The following TSPEAR variants were observed in gnomAD, a reference collection of about 807,000 sequenced individuals.
TSPEAR encodes the protein thrombospondin-type laminin G domain and EAR repeat-containing protein.
Under a neutral mutation model 71.6 loss-of-function variants are expected in TSPEAR, and 69 were observed. The observed-to-expected ratio is 0.96, with a 90% CI of 0.79 to 1.18. The LOEUF (loss-of-function observed/expected upper bound fraction) is 1.18. Among genes scored for constraint, TSPEAR ranks in the 50% most tolerant of loss-of-function variants. TSPEAR has a pLI of 0.00. For missense variants in TSPEAR, 971 were observed against 894.9 expected, an observed-to-expected ratio of 1.09 and a Z score of -1.09; for synonymous variants, 402 against 387.2, an observed-to-expected ratio of 1.04 and a Z score of -0.45.
chr21:44,539,467 G>C, intron 2 of TSPEAR: 1 of 1,613,478 alleles, frequency 6.2e-7, no homozygotes, highest in Non-Finnish European at 8.5e-7. Context: ...CGGAGGAGGA[G>C]GGTCTGCAGC....
At position 44,711,215 on chromosome 21, in the gene TSPEAR, G is replaced by A. The variant is rs538543652; in HGVS notation, c.82+218C>T. Among the ~76,000 whole-genome samples the A allele has an allele frequency of 6.6e-6, 1 of 151,848 alleles. No individual in the cohort carries two copies. The highest frequency in any genetic ancestry group is 1.9e-4 in the East Asian group (1 of 5,132). The stretch of plus-strand genomic sequence containing the variant: ...CACCCTGCGTGCGTTCTAAAGAGCC[G>A]CGTTTCTATTGCAACTGCCTGCCCT... On this transcript the variant is annotated intron_variant, in intron 1 of 11. Transcript: ENST00000323084. This position sits in a 1 kb window ranked among gnomAD's most constrained non-coding sequence, Gnocchi z 4.5.
chr21:44,658,199 G>T, intron 1 of TSPEAR: 1 of 1,614,020 alleles, frequency 6.2e-7, no homozygotes, highest in Non-Finnish European at 8.5e-7. Flanking sequence ...CCAATCTTCG[G>T]GGTGCTGCCA....
chr21:44,679,958 C>T (rs1569255397), intron 1 of TSPEAR, among the ~76,000 whole-genome samples: 2 of 152,136 alleles, frequency 1.3e-5, no homozygotes, highest in Non-Finnish European at 1.5e-5. Context: ...AAATGAAATG[C>T]TCCAGGACAT....
At chr21:44,517,601 C>T (rs982805190) in intron 9 of TSPEAR, 1 of 374,348 alleles carries the variant, frequency 2.7e-6, no homozygotes, top group South Asian at 2.0e-5. Flanking sequence ...AGGTCAGCCC[C>T]TTCCTGCTGC....
chr21:44,603,373 C>T (rs932503924), intron 1 of TSPEAR, among the ~76,000 whole-genome samples: 1 of 152,160 alleles, frequency 6.6e-6, no homozygotes, highest in African/African-American at 2.4e-5. Context: ...CCAGGAGGCA[C>T]CAAGGGGACC....
intron 1 of TSPEAR, among the ~76,000 whole-genome samples, chr21:44,675,695 C>A (rs1986278398): frequency 6.6e-6 from 1 of 152,170 alleles, no homozygotes; most frequent in Non-Finnish European, 1.5e-5. Flanking sequence ...CTGGAGTTCA[C>A]TGACATGATA....
intron 1 of TSPEAR, among the ~76,000 whole-genome samples, chr21:44,594,822 A>ATTTTTTTTTTTT (rs34221889): frequency 8.0e-6 from 1 of 125,516 alleles, no homozygotes; most frequent in Admixed American, 8.5e-5. Flanking sequence ...CGGATCTGTG[A>ATTTTTTTTTTTT]TTTTTTTTTT....
At chr21:44,689,001 G>A (rs1187826206) in intron 1 of TSPEAR, among the ~76,000 whole-genome samples, 1 of 152,104 alleles carries the variant, frequency 6.6e-6, no homozygotes, top group Non-Finnish European at 1.5e-5. Context: ...CCTGCGCCCC[G>A]AGCATAGAGC....
intron 2 of TSPEAR, among the ~76,000 whole-genome samples, chr21:44,535,960 T>C (rs1009784502): frequency 4.6e-5 from 7 of 151,926 alleles, no homozygotes; most frequent in Non-Finnish European, 8.8e-5. Context: ...TCTTTTTCCA[T>C]TGGAAGTGGA....
At chr21:44,541,561 T>G (rs1349102891) in intron 2 of TSPEAR, among the ~76,000 whole-genome samples, 1 of 152,210 alleles carries the variant, frequency 6.6e-6, no homozygotes, top group Non-Finnish European at 1.5e-5. Flanking sequence ...ATTTTCTTAC[T>G]GAGGCATTTA....
intron 1 of TSPEAR, among the ~76,000 whole-genome samples, chr21:44,621,744 G>A (rs587720589): frequency 5.3e-5 from 8 of 152,352 alleles, no homozygotes; most frequent in Admixed American, 2.0e-4. Context: ...ATTTGGGTCT[G>A]TAGTTGGCTC....
At chr21:44,558,783 G>A (rs982946031) in intron 2 of TSPEAR, 12 of 1,538,116 alleles carry the variant, frequency 7.8e-6, no homozygotes, top group African/African-American at 4.1e-5. Context: ...GTGAGGGAGT[G>A]AGTGAGTGAT....
chr21:44,504,920 CA>C (rs781822729), intron 10 of TSPEAR, 39 bp from the exon 11 acceptor site: 4 of 1,532,168 alleles, frequency 2.6e-6, no homozygotes, highest in African/African-American at 1.4e-5. Flanking sequence ...ACACAACAGA[CA>C]TCGCCAGGGA....
chr21:44,685,320 C>T (rs1235126926), intron 1 of TSPEAR, among the ~76,000 whole-genome samples: 3 of 152,098 alleles, frequency 2.0e-5, no homozygotes, highest in African/African-American at 4.8e-5. Flanking sequence ...GCCAATCCAT[C>T]GAGAGAACAG....
chr21:44,546,151 C>A lies in TSPEAR; in HGVS notation c.304-12228G>T, dbSNP rs1480027213. ...ATAAGGAATACTATGAAAATTTGTA[C>A]ACCAACAAATTAGATAACTAATATG... On this transcript the variant is annotated intron_variant, in intron 2 of 11. Coordinates refer to ENST00000323084, the MANE Select transcript of TSPEAR (RefSeq NM_144991.3). The surrounding 1 kb of genome is among the most constrained non-coding windows in gnomAD (Gnocchi z 4.4). 6.6e-6 allele frequency among the ~76,000 whole-genome samples: 1 copy of A among 152,182 alleles called. No individual in the cohort carries two copies. The highest frequency in any genetic ancestry group is 1.5e-5 in the Non-Finnish European group (1 of 68,030).
chr21:44,702,111 C>A, intron 1 of TSPEAR: 1 of 1,008,182 alleles, frequency 9.9e-7, no homozygotes, highest in Non-Finnish European at 1.4e-6. Context: ...AAACTTCACC[C>A]AGGAGAGGCA....
chr21:44,515,334 G>A (rs2052531786), intron 9 of TSPEAR, among the ~76,000 whole-genome samples: 1 of 152,234 alleles, frequency 6.6e-6, no homozygotes, highest in African/African-American at 2.4e-5. Context: ...CGCCTTCCCA[G>A]GGCCCTCCTA....
chr21:44,550,911 C>A, intron 2 of TSPEAR: 1 of 1,474,174 alleles, frequency 6.8e-7, no homozygotes, highest in Non-Finnish European at 9.2e-7. Flanking sequence ...GACGGACACA[C>A]AGCAGGACTG....
chr21:44,533,773 G>T lies in TSPEAR; in HGVS notation c.454C>A (p.Leu152Met), dbSNP rs1555916011. The change falls in exon 3 of 12, where the codon CTG becomes ATG. Residue 152 changes from leucine (L) to methionine (M), a missense_variant. By Grantham distance (15) the Leu-to-Met change is conservative. Coordinates refer to ENST00000323084, the MANE Select transcript of TSPEAR (RefSeq NM_144991.3). ...QTRVSFRSPA[L>M]VDGRWHTLVL... is the part of the protein sequence containing the mutation. Reference sequence around the variant, plus strand: ...AGTGTGTGCCAGCGGCCATCCACCAGGGCCGGGCTGCGGAAGGACACTCGG... The same window carrying T: ...AGTGTGTGCCAGCGGCCATCCACCATGGCCGGGCTGCGGAAGGACACTCGG... The T allele has an allele frequency of 6.8e-6, 11 of 1,612,368 alleles. No individual in the cohort carries two copies. The highest frequency in any genetic ancestry group is 3.3e-4 in the Middle Eastern group (2 of 6,084).
Sources: gnomAD v4.1 joint callset for allele counts (sites outside exome capture counted in the v4.1 genomes callset) on GRCh38, gnomAD v4.1.1 for gene constraint, Gnocchi (gnomAD v3.1) non-coding constraint, MANE v1.5 for transcripts, NCBI Gene and HGNC (gene_info 2026-07-23, HGNC 2026-07-21) for gene names.